The following POU2F1 variants were observed in gnomAD, a reference collection of about 807,000 sequenced individuals.
POU2F1 encodes POU domain, class 2, transcription factor 1.
In POU2F1, 16 loss-of-function variants were observed where a neutral mutation model predicts 84.9. The observed-to-expected ratio is 0.19, with a 90% confidence interval of 0.13 to 0.29. The LOEUF (loss-of-function observed/expected upper bound fraction) is 0.29, where lower values mean the gene tolerates loss of function less well. Ranked by LOEUF, POU2F1 falls within the 10% of genes least tolerant of loss-of-function variation. The pLI, the probability that POU2F1 is intolerant of heterozygous loss-of-function variation, is 1.00. For synonymous variants in POU2F1, 368 were observed against 368.3 expected (o/e 1.00, Z 0.01); for missense variants, 738 against 942.6 (o/e 0.78, Z 2.84).
In POU2F1 at chr1:167,326,754, A is replaced by G. The variant is rs534615235; in HGVS notation, c.62-5716A>G. 5.9e-5 allele frequency among the ~76,000 whole-genome samples: 9 copies of G among 152,262 alleles called. No homozygotes were observed. The East Asian group carries it at 1.7e-3, about 29-fold the overall frequency. ...TGAGGAGGAGGCTCTTTCACTAGGA[A>G]GGTGCTGCTCCTGTTGGGTACAGAC... On this transcript the variant is annotated intron_variant, in intron 1 of 15. Transcript: ENST00000367866.
At chr1:167,356,347 ACT>A (rs1360265173) in intron 2 of POU2F1, among the ~76,000 whole-genome samples, 1 of 148,188 alleles carries the variant, frequency 6.7e-6, no homozygotes, top group Non-Finnish European at 1.5e-5. Flanking sequence ...TCCTCATTAA[ACT>A]CTCTTATTCT....
In POU2F1 at chr1:167,411,950, T is replaced by A. The variant is rs998926890; in HGVS notation, c.1556-9T>A. On this transcript the variant is annotated splice_polypyrimidine_tract_variant and intron_variant, in intron 13 of 15. Transcript: ENST00000367866. ...AAAAGGTCATCTTCTAATCTGTTTG[T>A]CTTTTCAGGCACTTCAGACACCACC... 1 of 1,602,210 alleles carries A rather than the reference T, an allele frequency of 6.2e-7. No homozygotes were observed. Among genetic ancestry groups the A allele is most frequent in the Non-Finnish European group, 8.5e-7 (1 of 1,173,386 alleles).
At chr1:167,308,217 C>T (rs1207216539) in intron 1 of POU2F1, among the ~76,000 whole-genome samples, 1 of 152,026 alleles carries the variant, frequency 6.6e-6, no homozygotes, top group Admixed American at 6.6e-5. Flanking sequence ...CAGGTGCACA[C>T]CACCACGCCT....
chr1:167,230,948 A>G (rs1649024305), intron 1 of POU2F1, among the ~76,000 whole-genome samples: 1 of 152,248 alleles, frequency 6.6e-6, no homozygotes, highest in South Asian at 2.1e-4. Flanking sequence ...CTGAAAATCC[A>G]TACTTTAAAA....
intron 13 of POU2F1, among the ~76,000 whole-genome samples, chr1:167,406,190 A>G (rs1365557212): frequency 6.6e-6 from 1 of 152,252 alleles, no homozygotes; most frequent in African/African-American, 2.4e-5. Flanking sequence ...ATGGCCAAGG[A>G]GGATTTATCT....
intron 1 of POU2F1, among the ~76,000 whole-genome samples, chr1:167,237,456 A>G (rs1002656062): frequency 3.3e-5 from 5 of 152,000 alleles, no homozygotes; most frequent in Non-Finnish European, 7.4e-5. Flanking sequence ...GGCCATTTTT[A>G]TCAAGTAATT....
intron 9 of POU2F1, among the ~76,000 whole-genome samples, chr1:167,390,126 G>C (rs972427273): frequency 2.0e-5 from 3 of 152,228 alleles, no homozygotes; most frequent in Non-Finnish European, 4.4e-5. Flanking sequence ...CCAATCCCCT[G>C]TGCATACTGA....
chr1:167,307,506 C>G (rs909668924), intron 1 of POU2F1, among the ~76,000 whole-genome samples: 1 of 149,976 alleles, frequency 6.7e-6, no homozygotes, highest in East Asian at 1.9e-4. Flanking sequence ...GTTTGTTCAT[C>G]TGTTTCCTTT....
chr1:167,359,190 TAA>T (rs34898347), intron 2 of POU2F1, among the ~76,000 whole-genome samples: 61 of 145,272 alleles, frequency 4.2e-4, no homozygotes, highest in South Asian at 3.2e-3. Context: ...AGACTTTTTT[TAA>T]AAAAAAAAAA....
chr1:167,322,264 A>G (rs555904175), intron 1 of POU2F1, among the ~76,000 whole-genome samples: 6 of 152,298 alleles, frequency 3.9e-5, no homozygotes, highest in South Asian at 2.1e-4. Context: ...CATATATGAC[A>G]CAATCAGGAG....
At chr1:167,311,506 A>G (rs113091741) in intron 1 of POU2F1, among the ~76,000 whole-genome samples, 5 of 152,320 alleles carry the variant, frequency 3.3e-5, no homozygotes, top group African/African-American at 1.2e-4. Flanking sequence ...ATCATGTTCC[A>G]TATAACAATG....
rs1200724236 is a variant in POU2F1, at chr1:167,420,215, G to A, written c.*4405G>A. Reference sequence around the variant, plus strand: ...GTCTTGCTCTGTTGCCTAGGCTAGAGTGCAACGGCATGATCTCGGCTCACT... The same window carrying A: ...GTCTTGCTCTGTTGCCTAGGCTAGAATGCAACGGCATGATCTCGGCTCACT... On this transcript the variant is annotated 3_prime_UTR_variant, in exon 16 of 16. Transcript: ENST00000367866. 1 of 145,838 alleles carries A rather than the reference G, an allele frequency of 6.9e-6. No individual in the cohort carries two copies. The highest frequency in any genetic ancestry group is 7.0e-5 in the Admixed American group (1 of 14,292). 9.0% of individuals were successfully genotyped at this position (145,838 alleles called of 1,614,324 possible).
chr1:167,270,675 A>C (rs1322323284), intron 1 of POU2F1, among the ~76,000 whole-genome samples: 2 of 152,204 alleles, frequency 1.3e-5, no homozygotes, highest in African/African-American at 2.4e-5. Context: ...TGTCTTCAGG[A>C]GAAATCACTC....
At chr1:167,246,775 T>G (rs1018382417) in intron 1 of POU2F1, among the ~76,000 whole-genome samples, 1 of 152,188 alleles carries the variant, frequency 6.6e-6, no homozygotes, top group African/African-American at 2.4e-5. Context: ...TATCTGTCCT[T>G]CATTTTAAAA....
chr1:167,367,896 C>A (rs1228175368), intron 3 of POU2F1, among the ~76,000 whole-genome samples: 1 of 151,918 alleles, frequency 6.6e-6, no homozygotes, highest in South Asian at 2.1e-4. Flanking sequence ...TGATTATAGG[C>A]GTACACCATG....
At chr1:167,350,615 A>G (rs530697575) in intron 2 of POU2F1, among the ~76,000 whole-genome samples, 1 of 151,304 alleles carries the variant, frequency 6.6e-6, no homozygotes, top group South Asian at 2.1e-4. Context: ...TGGAGGTTGC[A>G]GTGAGCCAAG....
intron 1 of POU2F1, among the ~76,000 whole-genome samples, chr1:167,295,708 A>G (rs558932619): frequency 6.6e-6 from 1 of 152,244 alleles, no homozygotes; most frequent in Non-Finnish European, 1.5e-5. Context: ...TTCAGAGGCT[A>G]AATTGTAATA....
At chr1:167,233,840 A>G (rs1015020837) in intron 1 of POU2F1, among the ~76,000 whole-genome samples, 1 of 152,248 alleles carries the variant, frequency 6.6e-6, no homozygotes, top group Non-Finnish European at 1.5e-5. Context: ...ATTGTGGACG[A>G]GATTCCATAC....
intron 2 of POU2F1, among the ~76,000 whole-genome samples, chr1:167,343,733 C>T (rs1044473310): frequency 4.7e-5 from 6 of 127,914 alleles, no homozygotes; most frequent in African/African-American, 1.8e-4. Flanking sequence ...GTATTTGCCT[C>T]GGGGCTGGGA....
Sources: allele counts gnomAD v4.1 joint callset (sites outside exome capture counted in the v4.1 genomes callset), GRCh38; gene constraint gnomAD v4.1.1; transcripts MANE v1.5; gene names NCBI Gene and HGNC (gene_info 2026-07-23, HGNC 2026-07-21).